C10orf53: variants seen among roughly 807,000 people sequenced by gnomAD.
The protein encoded by C10orf53 is UPF0728 protein C10orf53.
In C10orf53, 8 loss-of-function variants were observed where a neutral mutation model predicts 9.4. The ratio of observed to expected loss-of-function variants is 0.85; its 90% CI spans 0.50 to 1.53. C10orf53 has a LOEUF of 1.53. Ranked by LOEUF, C10orf53 falls within the 40% of genes most tolerant of loss-of-function variation. The pLI, the probability that C10orf53 is intolerant of heterozygous loss-of-function variation, is 0.00. For synonymous variants in C10orf53, 48 were observed against 46.0 expected, an observed-to-expected ratio of 1.04 and a Z score of -0.18; for missense variants, 117 against 117.8, an observed-to-expected ratio of 0.99 and a Z score of 0.03.
downstream of C10orf53, among the ~76,000 whole-genome samples, chr10:49,698,499 T>C (rs548320371): frequency 6.6e-6 from 1 of 152,216 alleles, no homozygotes; most frequent in South Asian, 2.1e-4. Context: ...GCTTCAGACA[T>C]TCATCCCCAG....
At chr10:49,694,333 G>A (rs1028310714) in intron 2 of C10orf53, 1 of 680,234 alleles carries the variant, frequency 1.5e-6, no homozygotes, top group African/African-American at 1.8e-5. Context: ...AGAGCTTCTG[G>A]CCTGGCAGGC....
At position 49,696,766 on chromosome 10, in the gene C10orf53, G is replaced by A. The variant is rs1167278392; in HGVS notation, c.*2164G>A. 6.6e-6 allele frequency among the ~76,000 whole-genome samples: 1 copy of A among 152,052 alleles called. No individual in the cohort carries two copies. Among genetic ancestry groups the A allele is most frequent in the Non-Finnish European group, 1.5e-5 (1 of 68,006 alleles). On this transcript the variant is annotated 3_prime_UTR_variant, in exon 3 of 3. Coordinates refer to ENST00000374111, the MANE Select transcript of C10orf53 (RefSeq NM_001042427.3). ...CCTCTGAGCAGTGGGATTGGGGGGT[G>A]TGGGGGGCAGGTGAGGTAGAGGGAG...
intron 1 of C10orf53, among the ~76,000 whole-genome samples, chr10:49,690,824 G>T (rs1479068387): frequency 6.6e-6 from 1 of 152,154 alleles, no homozygotes; most frequent in Non-Finnish European, 1.5e-5. Context: ...CTTGCGCGGG[G>T]GTGTGTGTAT....
chr10:49,682,808 G>A (rs1335869268), intron 1 of C10orf53, among the ~76,000 whole-genome samples: 1 of 152,132 alleles, frequency 6.6e-6, no homozygotes, highest in Non-Finnish European at 1.5e-5. Context: ...AAGCCCAGCT[G>A]GCTTCACCTC....
exon 3 of C10orf53, chr10:49,708,623 A>G: frequency 1.2e-6 from 2 of 1,613,758 alleles, no homozygotes; most frequent in Non-Finnish European, 1.7e-6. Flanking sequence ...ACTGAAATCG[A>G]CAGGACAGAT....
intron 1 of C10orf53, among the ~76,000 whole-genome samples, chr10:49,682,451 C>A (rs895300880): frequency 6.6e-6 from 1 of 152,196 alleles, no homozygotes; most frequent in Non-Finnish European, 1.5e-5. Context: ...AGTGTTACAG[C>A]TCTTAAAGGT....
chr10:49,691,841 A>G lies in C10orf53; in HGVS notation c.98-1933A>G, dbSNP rs118174132. Among the ~76,000 whole-genome samples the G allele has an allele frequency of 8.3e-3, 1,258 of 151,730 alleles. 35 individuals carry two copies. Among genetic ancestry groups the G allele is most frequent in the East Asian group, 0.055 (284 of 5,156 alleles). On this transcript the variant is annotated intron_variant, in intron 1 of 2. Coordinates refer to ENST00000374111, the MANE Select transcript of C10orf53 (RefSeq NM_001042427.3). ...CCTTGCCCACAGTCCATGCACCCTC[A>G]CTCCTCCAGGCCTTAGAGAGTTGGC...
downstream of C10orf53, among the ~76,000 whole-genome samples, chr10:49,700,209 C>T (rs1840670875): frequency 6.6e-6 from 1 of 152,212 alleles, no homozygotes; most frequent in Non-Finnish European, 1.5e-5. Flanking sequence ...ACTCCAGGCC[C>T]CATTCCCATG....
chr10:49,700,119 C>T (rs1840670149), downstream of C10orf53, among the ~76,000 whole-genome samples: 1 of 152,218 alleles, frequency 6.6e-6, no homozygotes, highest in African/African-American at 2.4e-5. Context: ...ACTGCACCAC[C>T]GATGTCTCCA....
chr10:49,682,494 T>G (rs1030177133), intron 1 of C10orf53, among the ~76,000 whole-genome samples: 1 of 152,182 alleles, frequency 6.6e-6, no homozygotes, highest in Admixed American at 6.5e-5. Flanking sequence ...CAGCAAGATT[T>G]ATTATGAAGA....
chr10:49,701,754 C>A (rs940376665), downstream of C10orf53, among the ~76,000 whole-genome samples: 6 of 151,716 alleles, frequency 4.0e-5, no homozygotes, highest in African/African-American at 9.7e-5. Flanking sequence ...CCAGGGATGA[C>A]CTTGGTGGAG....
downstream of C10orf53, among the ~76,000 whole-genome samples, chr10:49,699,462 C>T (rs1258629040): frequency 2.0e-5 from 3 of 151,676 alleles, no homozygotes; most frequent in African/African-American, 7.3e-5. Flanking sequence ...CCCAAAGTGC[C>T]GGGATTACAG....
chr10:49,694,660 A>G lies in C10orf53; in HGVS notation c.*58A>G. 6.2e-7 allele frequency: 1 copy of G among 1,613,044 alleles called. No homozygotes were observed. Among genetic ancestry groups the G allele is most frequent in the Non-Finnish European group, 8.5e-7 (1 of 1,179,536 alleles). ...CAACAGCAGCTGCCCCAGCCATTCT[A>G]TGATGCAGGCAGAAGTGGCTGTGCC... On this transcript the variant is annotated 3_prime_UTR_variant, in exon 3 of 3. Coordinates refer to ENST00000374111, the MANE Select transcript of C10orf53 (RefSeq NM_001042427.3).
intron 2 of C10orf53, among the ~76,000 whole-genome samples, chr10:49,703,228 A>C (rs1185205808): frequency 6.6e-6 from 1 of 152,140 alleles, no homozygotes; most frequent in African/African-American, 2.4e-5. Flanking sequence ...ATTCATGCAC[A>C]TCACTAATTA....
chr10:49,698,157 G>A (rs1333904764), downstream of C10orf53, among the ~76,000 whole-genome samples: 1 of 152,154 alleles, frequency 6.6e-6, no homozygotes, highest in Non-Finnish European at 1.5e-5. Flanking sequence ...GAGTGCAGTG[G>A]CATGCACCTG....
downstream of C10orf53, among the ~76,000 whole-genome samples, chr10:49,700,431 G>T (rs1840673476): frequency 6.6e-6 from 1 of 152,208 alleles, no homozygotes; most frequent in Admixed American, 6.5e-5. Flanking sequence ...TGCTAGGAAG[G>T]TTATCCCCCA....
chr10:49,686,348 A>G (rs1159809416), intron 1 of C10orf53, among the ~76,000 whole-genome samples: 1 of 152,178 alleles, frequency 6.6e-6, no homozygotes, highest in Non-Finnish European at 1.5e-5. Context: ...TATTTTACAA[A>G]TTGATTGTAA....
rs182238553 is a variant in C10orf53, at chr10:49,680,625, C to T, written c.97+831C>T. ...GATAAGTTTTAGGCAGGGGATGAAG[C>T]TGTTGCTGCTCTGAGGAGAACAGAT... On this transcript the variant is annotated intron_variant, in intron 1 of 2. Transcript: ENST00000374111. Among the ~76,000 whole-genome samples the T allele has an allele frequency of 6.6e-5, 10 of 152,280 alleles. No homozygotes were observed. In the East Asian group the frequency reaches 1.9e-3, roughly 29 times the overall value.
At chr10:49,686,527 G>C (rs566700643) in intron 1 of C10orf53, among the ~76,000 whole-genome samples, 1 of 152,322 alleles carries the variant, frequency 6.6e-6, no homozygotes, top group South Asian at 2.1e-4. Context: ...GTGTGAGTAG[G>C]AGAAATATCG....
Sources: gnomAD v4.1 joint callset for allele counts (sites outside exome capture counted in the v4.1 genomes callset) on GRCh38, gnomAD v4.1.1 for gene constraint, MANE v1.5 for transcripts, NCBI Gene and HGNC (gene_info 2026-07-23, HGNC 2026-07-21) for gene names.